CDKL5: variants seen among roughly 807,000 people sequenced by gnomAD.
CDKL5 encodes cyclin dependent kinase like 5, also known as cyclin-dependent kinase-like 5.
Under a neutral mutation model 61.7 loss-of-function variants are expected in CDKL5, and 8 were observed. The observed-to-expected ratio is 0.13, with a 90% CI of 0.08 to 0.23. The LOEUF is 0.23. Among genes scored for constraint, CDKL5 ranks in the 10% least tolerant of loss-of-function variants. CDKL5 has a pLI of 1.00. For missense variants in CDKL5, 440 were observed against 734.5 expected (o/e 0.60, Z 4.63); for synonymous variants, 275 against 272.3 (o/e 1.01, Z -0.10).
intron 1 of CDKL5, among the ~76,000 whole-genome samples, chrX:18,488,481 C>T (rs769672298): frequency 4.5e-5 from 5 of 111,429 alleles, no homozygotes; most frequent in Middle Eastern, 4.7e-3. Flanking sequence ...CTGGCAGAAC[C>T]TCCTAGATAG....
At chrX:18,502,334 A>G in intron 1 of CDKL5, among the ~76,000 whole-genome samples, 1 of 112,543 alleles carries the variant, frequency 8.9e-6, no homozygotes, top group East Asian at 2.8e-4. Context: ...ATGAATTAAT[A>G]AATATTTCAT....
In CDKL5 at chrX:18,636,455, T is replaced by C. The variant is rs1054074360; in HGVS notation, c.*7698T>C. 1 of 109,119 alleles carries C rather than the reference T, an allele frequency of 9.2e-6. No individual in the cohort carries two copies. The highest frequency in any genetic ancestry group is 3.3e-5 in the African/African-American group (1 of 30,030). The allele number at this position is 109,119 out of a possible 1,213,427, so 9.0% of individuals were successfully genotyped here. On this transcript the variant is annotated 3_prime_UTR_variant, in exon 18 of 18. Coordinates refer to ENST00000623535, the MANE Select transcript of CDKL5 (RefSeq NM_001323289.2). ...TAAATGAGGAAACAGATTTCCATAC[T>C]TGACATTAACCTGCCCAAGGTCACC...
chrX:18,485,553 T>C (rs1921759967), intron 1 of CDKL5, among the ~76,000 whole-genome samples: 1 of 112,158 alleles, frequency 8.9e-6, no homozygotes, highest in Non-Finnish European at 1.9e-5. Flanking sequence ...GATTGGGTTT[T>C]ATTAACGATT....
Position 18,495,633 on chromosome X carries a change from C to T in CDKL5, c.-162-11302C>T, listed in dbSNP as rs146484892. Among the ~76,000 whole-genome samples the T allele has an allele frequency of 3.0e-4, 34 of 111,794 alleles. 1 individual carries two copies. The highest frequency in any genetic ancestry group is 6.7e-4 in the Admixed American group (7 of 10,521). On this transcript the variant is annotated intron_variant, in intron 1 of 17. Coordinates refer to ENST00000623535, the MANE Select transcript of CDKL5 (RefSeq NM_001323289.2). ...TACAGAGGCCCCTTCCTGCCTCTTG[C>T]GAGGTTCCTCCTTGTCTGTTCTGCT...
intron 3 of CDKL5, among the ~76,000 whole-genome samples, chrX:18,526,909 G>A (rs922682988): frequency 1.1e-4 from 12 of 109,923 alleles, no homozygotes; most frequent in African/African-American, 2.0e-4. Flanking sequence ...TCAGCCTCCC[G>A]AGTAGCTGGG....
At chrX:18,644,639 A>T (rs1927706977), downstream of CDKL5, 2 of 1,203,385 alleles carry the variant, frequency 1.7e-6, no homozygotes, top group Non-Finnish European at 2.2e-6. Flanking sequence ...CCGAGAACAT[A>T]CCGAGTCACC....
chrX:18,575,395 A>G lies in CDKL5; in HGVS notation c.187A>G (p.Met63Val). 1 of 1,208,821 alleles carries G rather than the reference A, an allele frequency of 8.3e-7. No homozygotes were observed. Among genetic ancestry groups the G allele is most frequent in the Non-Finnish European group, 1.1e-6 (1 of 892,818 alleles). Residue 63 changes from methionine to valine, a missense_variant, in exon 5 of 18, where the codon ATG becomes GTG. Coordinates refer to ENST00000623535, the MANE Select transcript of CDKL5 (RefSeq NM_001323289.2). ...VKETTLRELKMLRTLKQENIV... is the reference protein window; with the variant it reads ...VKETTLRELKVLRTLKQENIV... ...AGAAACGACTTTACGAGAGCTTAAA[A>G]TGCTTCGGACTCTCAAGCAGGAAAA...
chrX:18,633,014 T>G lies in CDKL5; in HGVS notation c.*4257T>G. The G allele has an allele frequency of 2.7e-6, 2 of 754,030 alleles. No homozygotes were observed. Among genetic ancestry groups the G allele is most frequent in the Non-Finnish European group, 3.1e-6 (2 of 638,819 alleles). The allele number at this position is 754,030 out of a possible 1,213,427, so 62.1% of individuals were successfully genotyped here. A position where few individuals can be genotyped will look rare whatever the true frequency, so the allele number is the denominator to read the frequency against. On this transcript the variant is annotated 3_prime_UTR_variant, in exon 18 of 18. Coordinates refer to ENST00000623535, the MANE Select transcript of CDKL5 (RefSeq NM_001323289.2). Reference sequence around the variant, plus strand: ...TTTCTGTTCACCTGGGACCTGGTGGTGACTGAACTCTTTCAGCAAGGGCAA... The same window carrying G: ...TTTCTGTTCACCTGGGACCTGGTGGGGACTGAACTCTTTCAGCAAGGGCAA...
At chrX:18,431,616 C>CG (rs1555929413) in intron 1 of CDKL5, among the ~76,000 whole-genome samples, 47 of 106,574 alleles carry the variant, frequency 4.4e-4, no homozygotes, top group Non-Finnish European at 5.4e-4. Context: ...TTAGTAGAGA[C>CG]GGGTTTCACC....
intron 1 of CDKL5, among the ~76,000 whole-genome samples, chrX:18,427,196 G>T (rs1263106164): frequency 3.6e-5 from 4 of 110,217 alleles, no homozygotes; most frequent in African/African-American, 9.9e-5. Flanking sequence ...AATTTTTGGC[G>T]TTGACACTGA....
intron 1 of CDKL5, among the ~76,000 whole-genome samples, chrX:18,450,018 C>G (rs928924452): frequency 2.7e-5 from 3 of 112,163 alleles, no homozygotes; most frequent in Non-Finnish European, 5.6e-5. Context: ...TGGTCTCGAT[C>G]TCTTGACCTC....
At chrX:18,536,587 A>G (rs1923846068) in intron 3 of CDKL5, among the ~76,000 whole-genome samples, 1 of 107,633 alleles carries the variant, frequency 9.3e-6, no homozygotes, top group South Asian at 4.2e-4. Flanking sequence ...CTGGGATTAT[A>G]GACGTGCGCC....
intron 3 of CDKL5, among the ~76,000 whole-genome samples, chrX:18,531,701 TTTTTTC>T (rs1923647671): frequency 9.3e-6 from 1 of 107,877 alleles, no homozygotes; most frequent in South Asian, 3.9e-4. Flanking sequence ...TCTTTTTTTC[TTTTTTC>T]TTTTTTTTTT....
intron 1 of CDKL5, among the ~76,000 whole-genome samples, chrX:18,444,937 A>T (rs1468766528): frequency 9.0e-6 from 1 of 111,140 alleles, no homozygotes; most frequent in Non-Finnish European, 1.9e-5. Flanking sequence ...TTTGTCTCTG[A>T]TGGGACCCTT....
intron 3 of CDKL5, among the ~76,000 whole-genome samples, chrX:18,513,565 A>G (rs1024135503): frequency 1.8e-5 from 2 of 111,924 alleles, no homozygotes; most frequent in Admixed American, 1.9e-4. Flanking sequence ...GTCCTTCACT[A>G]CATGAGGTCA....
chrX:18,534,097 A>G (rs932004345), intron 3 of CDKL5, among the ~76,000 whole-genome samples: 2 of 111,781 alleles, frequency 1.8e-5, no homozygotes, highest in Non-Finnish European at 3.8e-5. Context: ...TCCTTTGCCT[A>G]CTACCTGGTA....
At chrX:18,536,012 C>G (rs1245060558) in intron 3 of CDKL5, 1 of 112,287 alleles carries the variant, frequency 8.9e-6, no homozygotes, top group Non-Finnish European at 1.9e-5. Flanking sequence ...GACTCCCAGT[C>G]TTTTGATTTC....
At chrX:18,544,999 G>A (rs1030293311) in intron 3 of CDKL5, among the ~76,000 whole-genome samples, 1 of 111,336 alleles carries the variant, frequency 9.0e-6, no homozygotes, top group Non-Finnish European at 1.9e-5. Flanking sequence ...AGGCCAAGGC[G>A]GGAGGATTGC....
intron 3 of CDKL5, among the ~76,000 whole-genome samples, chrX:18,557,830 T>C (rs975357703): frequency 8.9e-6 from 1 of 112,211 alleles, no homozygotes; most frequent in Admixed American, 9.4e-5. Flanking sequence ...AGTGAGTTGA[T>C]GATTATAAGT....
Sources: gnomAD v4.1 joint callset for allele counts (sites outside exome capture counted in the v4.1 genomes callset) on GRCh38, gnomAD v4.1.1 for gene constraint, MANE v1.5 for transcripts, NCBI Gene and HGNC (gene_info 2026-07-23, HGNC 2026-07-21) for gene names.